Variants in CEP120 observed in about 807,000 individuals in gnomAD.
The protein encoded by CEP120 is centrosomal protein of 120 kDa.
Under a neutral mutation model 126.5 loss-of-function variants are expected in CEP120, and 113 were observed. The observed-to-expected ratio is 0.89, with a 90% CI of 0.77 to 1.04. The LOEUF (loss-of-function observed/expected upper bound fraction) is 1.04. CEP120 is among the 50% of genes least tolerant of loss of function. CEP120 has a pLI of 0.00. For missense variants in CEP120, 1,230 were observed against 1,155.7 expected (o/e 1.06, Z -0.93); for synonymous variants, 400 against 394.3 (o/e 1.01, Z -0.17).
In CEP120 at chr5:123,391,212, G is replaced by T; in HGVS notation, c.936C>A (p.Asp312Glu). The T allele has an allele frequency of 6.2e-7, 1 of 1,614,182 alleles. No homozygotes were observed. The highest frequency in any genetic ancestry group is 1.1e-5 in the South Asian group (1 of 91,078). Residue 312 changes from aspartate to glutamate, a missense_variant, in exon 7 of 20, where the codon GAC (aspartate) becomes GAA (glutamate). By Grantham distance (45) the Asp-to-Glu change is conservative. Coordinates refer to ENST00000306467, the MANE Select transcript of CEP120 (RefSeq NM_001375405.1). ...PVTVEGAFTLDPPNRAKQKLA... is the reference protein window; with the variant it reads ...PVTVEGAFTLEPPNRAKQKLA... ...GCTTCTGTTTGGCTCTGTTTGGAGG[G>T]TCAAGGGTAAAAGCACCTTCGACTG...
chr5:123,412,841 CT>C (rs1774150742), intron 3 of CEP120, among the ~76,000 whole-genome samples: 3 of 152,268 alleles, frequency 2.0e-5, no homozygotes, highest in Non-Finnish European at 4.4e-5. Context: ...GTCTTATACC[CT>C]CAATCTCACT....
intron 4 of CEP120, 126 bp downstream of exon 4, chr5:123,412,273 G>T: frequency 1.2e-6 from 1 of 800,862 alleles, no homozygotes; most frequent in Non-Finnish European, 1.8e-6. Flanking sequence ...GTGTAACAAT[G>T]TCACAATATT....
intron 19 of CEP120, among the ~76,000 whole-genome samples, chr5:123,349,409 C>G (rs997127286): frequency 6.6e-5 from 10 of 152,004 alleles, no homozygotes; most frequent in Admixed American, 5.9e-4. Flanking sequence ...AAAGTAAGAG[C>G]TCATTAAGAG....
intron 14 of CEP120, among the ~76,000 whole-genome samples, chr5:123,381,823 T>C (rs1028655888): frequency 2.6e-5 from 4 of 152,162 alleles, no homozygotes; most frequent in Middle Eastern, 3.4e-3. Flanking sequence ...CTCAACCTCC[T>C]GGCCTCAAGC....
chr5:123,420,657 A>G (rs551155754), intron 1 of CEP120, among the ~76,000 whole-genome samples: 1 of 152,332 alleles, frequency 6.6e-6, no homozygotes, highest in East Asian at 1.9e-4. Flanking sequence ...CAGAAAGATC[A>G]TCCCCAGGGA....
intron 17 of CEP120, among the ~76,000 whole-genome samples, chr5:123,364,929 C>A (rs553956099): frequency 2.4e-4 from 36 of 151,650 alleles, no homozygotes; most frequent in African/African-American, 7.7e-4. Flanking sequence ...AAAAGCAGTT[C>A]TAACTGTTAA....
At chr5:123,363,640 C>T (rs1210529255) in intron 18 of CEP120, among the ~76,000 whole-genome samples, 1 of 151,382 alleles carries the variant, frequency 6.6e-6, no homozygotes, top group Non-Finnish European at 1.5e-5. Context: ...GGTAAACTAC[C>T]TACCCTAGTT....
chr5:123,383,653 C>T (rs1339295997), intron 11 of CEP120, among the ~76,000 whole-genome samples: 1 of 152,046 alleles, frequency 6.6e-6, no homozygotes, highest in African/African-American at 2.4e-5. Flanking sequence ...TGTACATACT[C>T]ATAAATATTT....
chr5:123,400,758 G>A (rs1773153087), intron 4 of CEP120, among the ~76,000 whole-genome samples: 2 of 147,028 alleles, frequency 1.4e-5, no homozygotes, highest in African/African-American at 2.6e-5. Context: ...CATGGGCAAA[G>A]GGGGGGTCCC....
At chr5:123,363,747 C>G (rs1770255136) in intron 18 of CEP120, among the ~76,000 whole-genome samples, 1 of 151,216 alleles carries the variant, frequency 6.6e-6, no homozygotes, top group Non-Finnish European at 1.5e-5. Context: ...GTTATGGAGA[C>G]ATATTAAGAA....
At position 123,364,494 on chromosome 5, in the gene CEP120, A is replaced by G; in HGVS notation, c.2580+2T>C. 6.3e-7 allele frequency: 1 copy of G among 1,591,072 alleles called. No homozygotes were observed. Among genetic ancestry groups the G allele is most frequent in the Non-Finnish European group, 8.6e-7 (1 of 1,163,348 alleles). On this transcript the variant is annotated splice_donor_variant, in intron 18 of 19. Transcript: ENST00000306467. LOFTEE classifies it high-confidence loss of function. ...AAAAAGAATAAGCTATAAACTACAT[A>G]CCTGTTTAAGTCTGGCAAGTTCTTT...
chr5:123,354,269 T>G (rs1010348472), intron 18 of CEP120, among the ~76,000 whole-genome samples: 2 of 152,126 alleles, frequency 1.3e-5, no homozygotes, highest in Non-Finnish European at 2.9e-5. Flanking sequence ...AGAGAACATA[T>G]TCTAAATTAC....
chr5:123,381,965 C>G lies in CEP120; in HGVS notation c.2103+146G>C. 4 of 543,020 alleles carry G rather than the reference C, an allele frequency of 7.4e-6. No homozygotes were observed. In the South Asian group the frequency reaches 1.1e-4, roughly 16 times the overall value. The allele number at this position is 543,020 out of a possible 1,614,324, so 33.6% of individuals were successfully genotyped here. ...CTTTACAGTGAAACGCCTCCCTTCT[C>G]TATCCAGAGCCACCACTCACTTCTT... On this transcript the variant is annotated intron_variant, in intron 14 of 19. Coordinates refer to ENST00000306467, the MANE Select transcript of CEP120 (RefSeq NM_001375405.1).
At chr5:123,409,082 T>A (rs1773875549) in intron 4 of CEP120, among the ~76,000 whole-genome samples, 1 of 152,098 alleles carries the variant, frequency 6.6e-6, no homozygotes. Flanking sequence ...TACACCATGA[T>A]CAAGTGGGAT....
At chr5:123,361,218 T>C (rs1770054672) in intron 18 of CEP120, among the ~76,000 whole-genome samples, 1 of 151,830 alleles carries the variant, frequency 6.6e-6, no homozygotes, top group Non-Finnish European at 1.5e-5. Flanking sequence ...TCCTATCCAG[T>C]AGTGTTATTT....
Position 123,390,156 on chromosome 5 carries a change from A to C in CEP120, c.1039-16T>G, listed in dbSNP as rs1222518068. The C allele has an allele frequency of 2.6e-6, 4 of 1,540,892 alleles. No individual in the cohort carries two copies. The highest frequency in any genetic ancestry group is 1.4e-5 in the African/African-American group (1 of 72,198). On this transcript the variant is annotated splice_polypyrimidine_tract_variant and intron_variant, in intron 7 of 19. Coordinates refer to ENST00000306467, the MANE Select transcript of CEP120 (RefSeq NM_001375405.1). ...CAATTAAAGACTAAAAACAATTTTT[A>C]AATAAAGTATAATTTGCAAAGAACT...
At chr5:123,394,719 T>G (rs1772651890) in intron 5 of CEP120, among the ~76,000 whole-genome samples, 2 of 152,254 alleles carry the variant, frequency 1.3e-5, no homozygotes, top group African/African-American at 4.8e-5. Flanking sequence ...GTTATTTTAA[T>G]CCTGCACTTT....
intron 4 of CEP120, chr5:123,401,004 G>C: frequency 1.3e-6 from 2 of 1,555,892 alleles, no homozygotes; most frequent in South Asian, 1.1e-5. Flanking sequence ...GGAGTAGCTG[G>C]TGCGGCTGAA....
In CEP120 at chr5:123,372,673, T is replaced by C. The variant is rs775747603; in HGVS notation, c.2458A>G (p.Ile820Val). 5.0e-6 allele frequency: 8 copies of C among 1,612,256 alleles called. No homozygotes were observed. In the Admixed American group the frequency reaches 1.3e-4, roughly 27 times the overall value. The change falls in exon 17 of 20, where the codon ATA becomes GTA. Residue 820 changes from isoleucine to valine, a missense_variant. By Grantham distance (29) the Ile-to-Val change is conservative. Coordinates refer to ENST00000306467, the MANE Select transcript of CEP120 (RefSeq NM_001375405.1). Reference protein sequence around the residue: ...NKPEIRLQSEINLLTLEKVEL... With the variant: ...NKPEIRLQSEVNLLTLEKVEL... The stretch of plus-strand genomic sequence containing the variant: ...ACCTTTTCCAAGGTGAGAAGATTTA[T>C]TTCAGACTGTAGACGGATTTCTGGT...
Sources: allele counts gnomAD v4.1 joint callset (sites outside exome capture counted in the v4.1 genomes callset), GRCh38; gene constraint gnomAD v4.1.1; transcripts MANE v1.5; gene names NCBI Gene and HGNC (gene_info 2026-07-23, HGNC 2026-07-21).